NT5DC1: variants seen among roughly 807,000 people sequenced by gnomAD.
NT5DC1 encodes 5'-nucleotidase domain-containing protein 1.
A neutral mutation model predicts 59.4 loss-of-function variants in NT5DC1; 42 were observed. The observed-to-expected ratio is 0.71, with a 90% CI of 0.55 to 0.92. NT5DC1 has a LOEUF of 0.92. Among genes scored for constraint, NT5DC1 ranks in the 40% least tolerant of loss-of-function variants. NT5DC1 has a pLI of 0.00. For synonymous variants in NT5DC1, 172 were observed against 188.1 expected, an observed-to-expected ratio of 0.91 and a Z score of 0.70; for missense variants, 501 against 537.1, an observed-to-expected ratio of 0.93 and a Z score of 0.66.
intron 6 of NT5DC1, among the ~76,000 whole-genome samples, chr6:116,153,727 A>C (rs1780110653): frequency 6.6e-6 from 1 of 152,124 alleles, no homozygotes; most frequent in African/African-American, 2.4e-5. Flanking sequence ...CAGTCTAGTA[A>C]CTTTCTTACT....
chr6:116,235,494 AGCTGCTGTGATTTG>A (rs1424616136), intron 8 of NT5DC1, among the ~76,000 whole-genome samples: 2 of 152,236 alleles, frequency 1.3e-5, no homozygotes, highest in Non-Finnish European at 2.9e-5. Context: ...ATAAGCTGCT[AGCTGCTGTGATTTG>A]GCTGTAATTA....
chr6:116,178,451 A>G (rs1233625618), intron 6 of NT5DC1, among the ~76,000 whole-genome samples: 1 of 152,206 alleles, frequency 6.6e-6, no homozygotes, highest in Non-Finnish European at 1.5e-5. Flanking sequence ...AAGAATTCTA[A>G]ATTGAGTGGT....
intron 6 of NT5DC1, among the ~76,000 whole-genome samples, chr6:116,146,521 C>T (rs563276778): frequency 3.3e-5 from 5 of 152,184 alleles, no homozygotes; most frequent in South Asian, 2.1e-4. Flanking sequence ...TTGGAACTTT[C>T]GCCTTAACAA....
At chr6:116,105,528 A>G (rs947288061) in intron 1 of NT5DC1, among the ~76,000 whole-genome samples, 6 of 152,208 alleles carry the variant, frequency 3.9e-5, no homozygotes, top group Admixed American at 6.5e-5. Context: ...AGGTTGGACC[A>G]TCTACCTTTT....
At chr6:116,151,150 C>A (rs1181862978) in intron 6 of NT5DC1, among the ~76,000 whole-genome samples, 1 of 152,080 alleles carries the variant, frequency 6.6e-6, no homozygotes, top group Non-Finnish European at 1.5e-5. Flanking sequence ...CTTCTTTTTG[C>A]TTCCGGGCAG....
chr6:116,114,077 C>T (rs1778923878), intron 4 of NT5DC1, among the ~76,000 whole-genome samples: 1 of 152,184 alleles, frequency 6.6e-6, no homozygotes, highest in Admixed American at 6.5e-5. Context: ...GTTCTTCACA[C>T]TGGCAAAGCC....
At chr6:116,216,605 A>G (rs188233173) in intron 6 of NT5DC1, among the ~76,000 whole-genome samples, 1 of 152,020 alleles carries the variant, frequency 6.6e-6, no homozygotes, top group Admixed American at 6.6e-5. Context: ...TAGCATATAG[A>G]TTTTCACTTT....
chr6:116,169,239 A>G (rs116722185), intron 6 of NT5DC1, among the ~76,000 whole-genome samples: 14 of 152,312 alleles, frequency 9.2e-5, no homozygotes, highest in African/African-American at 3.4e-4. Flanking sequence ...CAGTGCTGTT[A>G]AGCAGGTATT....
chr6:116,202,458 T>C (rs1241615516), intron 6 of NT5DC1, among the ~76,000 whole-genome samples: 1 of 152,020 alleles, frequency 6.6e-6, no homozygotes, highest in African/African-American at 2.4e-5. Context: ...TGATCCCATA[T>C]GTTCTTGATT....
chr6:116,125,312 T>C (rs1053994343), intron 6 of NT5DC1: 2 of 1,609,326 alleles, frequency 1.2e-6, no homozygotes, highest in Admixed American at 1.7e-5. Flanking sequence ...AACTTGTTAA[T>C]AGAACAAAAT....
intron 6 of NT5DC1, among the ~76,000 whole-genome samples, chr6:116,178,884 A>C (rs2114469561): frequency 6.6e-6 from 1 of 152,280 alleles, no homozygotes; most frequent in Non-Finnish European, 1.5e-5. Context: ...CTTTAAGCAA[A>C]ATTTCTTTTA....
intron 6 of NT5DC1, among the ~76,000 whole-genome samples, chr6:116,170,924 G>A (rs1444603675): frequency 6.6e-6 from 1 of 152,080 alleles, no homozygotes; most frequent in Non-Finnish European, 1.5e-5. Context: ...GGCTTTTCCT[G>A]ACATCTAGCC....
chr6:116,170,434 A>G (rs1449204998), intron 6 of NT5DC1, among the ~76,000 whole-genome samples: 2 of 152,162 alleles, frequency 1.3e-5, no homozygotes, highest in African/African-American at 2.4e-5. Flanking sequence ...ATTTTTTCCA[A>G]CAGGGAAAGT....
At chr6:116,107,815 G>A (rs529261395) in intron 2 of NT5DC1, among the ~76,000 whole-genome samples, 1 of 152,024 alleles carries the variant, frequency 6.6e-6, no homozygotes, top group Non-Finnish European at 1.5e-5. Context: ...CTCGTGATCC[G>A]CCCGTCTCGG....
chr6:116,127,058 T>G (rs1345879014), intron 6 of NT5DC1, among the ~76,000 whole-genome samples: 1 of 152,162 alleles, frequency 6.6e-6, no homozygotes, highest in Non-Finnish European at 1.5e-5. Flanking sequence ...TTCATCTTAT[T>G]TAATTTCATC....
rs1372962974 is a variant in NT5DC1 at position 116,247,409 on chromosome 6, CTCTT to C, written c.*3390_*3393del. 2 of 152,172 alleles carry C rather than the reference CTCTT, an allele frequency of 1.3e-5. No individual in the cohort carries two copies. The highest frequency in any genetic ancestry group is 4.8e-5 in the African/African-American group (2 of 41,442). 9.4% of individuals were successfully genotyped at this position (152,172 alleles called of 1,614,324 possible). A position where few individuals can be genotyped will look rare whatever the true frequency, so the allele number is the denominator to read the frequency against. ...TCAAGGTCATCAGTAAGCAGGCCTA[CTCTT>C]TCTTCATATTCTGGGTTAATGTTCA... On this transcript the variant is annotated 3_prime_UTR_variant, in exon 12 of 12. Coordinates refer to ENST00000319550, the MANE Select transcript of NT5DC1 (RefSeq NM_152729.3).
chr6:116,135,818 A>T (rs2114345354), intron 6 of NT5DC1, among the ~76,000 whole-genome samples: 1 of 136,162 alleles, frequency 7.3e-6, no homozygotes, highest in East Asian at 2.1e-4. Flanking sequence ...TATTTATGGT[A>T]TACAATATAT....
intron 6 of NT5DC1, among the ~76,000 whole-genome samples, chr6:116,140,182 G>GAAAA (rs1467564545): frequency 5.9e-5 from 9 of 152,078 alleles, no homozygotes; most frequent in African/African-American, 2.2e-4. Context: ...ATGCTCTCAG[G>GAAAA]TATTTTCAAG....
chr6:116,138,612 TA>T (rs1348093783), intron 6 of NT5DC1, among the ~76,000 whole-genome samples: 6 of 151,996 alleles, frequency 3.9e-5, no homozygotes, highest in Non-Finnish European at 5.9e-5. Context: ...CAAACATGCT[TA>T]TTTTTTAGGA....
Sources: gnomAD v4.1 joint callset for allele counts (sites outside exome capture counted in the v4.1 genomes callset) on GRCh38, gnomAD v4.1.1 for gene constraint, MANE v1.5 for transcripts, NCBI Gene and HGNC (gene_info 2026-07-23, HGNC 2026-07-21) for gene names.